Variants in GALNT13 observed in about 807,000 individuals in gnomAD.
GALNT13 encodes polypeptide N-acetylgalactosaminyltransferase 13, also known as UDP-GalNAc:polypeptide N-acetylgalactosaminyltransferase 13.
GALNT13 carries 28 observed loss-of-function variants against 64.2 expected under a neutral mutation model. The observed-to-expected ratio is 0.44, with a 90% CI of 0.32 to 0.60. GALNT13 has a LOEUF of 0.60. Ranked by LOEUF, GALNT13 falls within the 20% of genes least tolerant of loss-of-function variation. The probability of loss-of-function intolerance (pLI) is 0.05; values close to 1 mark genes in which losing one functional copy is unlikely to be tolerated. For synonymous variants in GALNT13, 214 were observed against 224.6 expected (o/e 0.95, Z 0.42); for missense variants, 577 against 669.8 (o/e 0.86, Z 1.53).
the GALNT13 span, among the ~76,000 whole-genome samples, chr2:153,142,033 A>T: frequency 3.3e-5 from 5 of 152,186 alleles, no homozygotes; most frequent in East Asian, 9.7e-4. Context: ...TGAGAGAGAC[A>T]TCATGAAGCG....
the GALNT13 span, among the ~76,000 whole-genome samples, chr2:153,442,554 C>A: frequency 6.6e-6 from 1 of 152,038 alleles, no homozygotes; most frequent in African/African-American, 2.4e-5. Flanking sequence ...TGGTAGAATT[C>A]GGCTGTGAAT....
intron 2 of GALNT13, among the ~76,000 whole-genome samples, chr2:153,905,259 C>A (rs1028001221): frequency 2.0e-5 from 3 of 151,844 alleles, no homozygotes; most frequent in African/African-American, 7.2e-5. Flanking sequence ...TAACTGATTT[C>A]ATTTATGAAC....
At chr2:153,884,783 A>ATATATATATATATATG (rs1687025438) in intron 1 of GALNT13, among the ~76,000 whole-genome samples, 4 of 106,918 alleles carry the variant, frequency 3.7e-5, no homozygotes, top group Non-Finnish European at 7.9e-5. Context: ...ATATATATAT[A>ATATATATATATATATG]TATGTGTGTG....
chr2:153,069,939 A>T, the GALNT13 span, among the ~76,000 whole-genome samples: 1 of 152,116 alleles, frequency 6.6e-6, no homozygotes, highest in Admixed American at 6.6e-5. Context: ...ATTATATTTG[A>T]AAATTCTATC....
chr2:153,199,136 G>T, the GALNT13 span, among the ~76,000 whole-genome samples: 1 of 152,192 alleles, frequency 6.6e-6, no homozygotes, highest in Non-Finnish European at 1.5e-5. Context: ...GGTTTCTTGG[G>T]TCGGCCCTGG....
the GALNT13 span, among the ~76,000 whole-genome samples, chr2:153,497,649 T>C: frequency 6.8e-6 from 1 of 147,786 alleles, no homozygotes. Context: ...GCAATTCTCC[T>C]GCCTCAGCCT....
At chr2:153,510,328 C>T in the GALNT13 span, among the ~76,000 whole-genome samples, 4 of 152,116 alleles carry the variant, frequency 2.6e-5, no homozygotes, top group Admixed American at 6.5e-5. Flanking sequence ...TACAATAACT[C>T]CACATAAGCT....
intron 11 of GALNT13, among the ~76,000 whole-genome samples, chr2:154,414,716 A>G (rs1298447807): frequency 6.6e-6 from 1 of 151,972 alleles, no homozygotes; most frequent in East Asian, 1.9e-4. Context: ...CTTGTCATTT[A>G]TAAGAATACT....
At chr2:153,563,746 T>C in the GALNT13 span, among the ~76,000 whole-genome samples, 1 of 152,096 alleles carries the variant, frequency 6.6e-6, no homozygotes, top group African/African-American at 2.4e-5. Flanking sequence ...CATTTATTCA[T>C]AGAAGTTTTC....
At position 153,944,584 on chromosome 2, in the gene GALNT13, T is replaced by G. The variant is rs1250921053; in HGVS notation, c.87T>G (p.Ser29Arg). ...ATGTCTTCTTACTGCTGTACTTCAGTGAATGTAACAAATGTGATGACAAGA... is the reference window on the plus strand; with the variant it reads ...ATGTCTTCTTACTGCTGTACTTCAGGGAATGTAACAAATGTGATGACAAGA... ...LVDVFLLLYFSECNKCDDKKE... is the reference protein window; with the variant it reads ...LVDVFLLLYFRECNKCDDKKE... Residue 29 changes from serine to arginine, a missense_variant, in exon 3 of 13, where the codon AGT becomes AGG. Transcript: ENST00000392825. The G allele has an allele frequency of 6.2e-7, 1 of 1,613,592 alleles. No individual in the cohort carries two copies. Among genetic ancestry groups the G allele is most frequent in the South Asian group, 1.1e-5 (1 of 91,036 alleles).
At chr2:153,377,526 G>T in the GALNT13 span, among the ~76,000 whole-genome samples, 4 of 152,040 alleles carry the variant, frequency 2.6e-5, no homozygotes, top group Non-Finnish European at 5.9e-5. Flanking sequence ...CTGAACAAGC[G>T]AGTTGTTAAA....
At chr2:153,722,259 C>A in the GALNT13 span, among the ~76,000 whole-genome samples, 36 of 147,200 alleles carry the variant, frequency 2.4e-4, no homozygotes, top group South Asian at 1.8e-3. Flanking sequence ...TTGAAACCAA[C>A]GAGAACAAAG....
chr2:154,409,793 GT>G lies in GALNT13; in HGVS notation c.1395+717del, dbSNP rs200568333. Reference sequence around the variant, plus strand: ...CTACAGAAGTTTAGGAGAACCAAAAGTTTTTTATCCAGAGGTAGAATTTCTG... The same window carrying G: ...CTACAGAAGTTTAGGAGAACCAAAAGTTTTTATCCAGAGGTAGAATTTCTG... On this transcript the variant is annotated intron_variant, in intron 11 of 12. Coordinates refer to ENST00000392825, the MANE Select transcript of GALNT13 (RefSeq NM_052917.4). Among the ~76,000 whole-genome samples the G allele has an allele frequency of 3.0e-3, 449 of 152,054 alleles. 8 individuals carry two copies. In the East Asian group the frequency reaches 0.042, roughly 14 times the overall value.
chr2:153,547,509 C>T, the GALNT13 span, among the ~76,000 whole-genome samples: 1 of 152,056 alleles, frequency 6.6e-6, no homozygotes, highest in Admixed American at 6.6e-5. Flanking sequence ...TTTTCATAAG[C>T]CACAGGTAGA....
intron 2 of GALNT13, 58 bp downstream of exon 2, chr2:153,901,065 A>G (rs1367223196): frequency 6.6e-6 from 1 of 152,168 alleles, no homozygotes. Flanking sequence ...AATTTGGCAG[A>G]CAGTCATGAA....
chr2:153,919,575 T>C (rs370513223), intron 2 of GALNT13, among the ~76,000 whole-genome samples: 61 of 152,062 alleles, frequency 4.0e-4, no homozygotes, highest in South Asian at 2.9e-3. Context: ...TGAGGCAAGG[T>C]GTCTCAAGCA....
At chr2:154,119,767 A>G (rs1336521779) in intron 3 of GALNT13, among the ~76,000 whole-genome samples, 1 of 151,984 alleles carries the variant, frequency 6.6e-6, no homozygotes, top group African/African-American at 2.4e-5. Context: ...TAGGATTCCT[A>G]TCTGATTCTT....
the GALNT13 span, among the ~76,000 whole-genome samples, chr2:153,172,947 A>C: frequency 6.6e-6 from 1 of 152,140 alleles, no homozygotes; most frequent in African/African-American, 2.4e-5. Flanking sequence ...TGAATGTCTA[A>C]GGCAGATTAT....
chr2:154,026,746 A>T (rs1333406621), intron 3 of GALNT13, among the ~76,000 whole-genome samples: 1 of 152,184 alleles, frequency 6.6e-6, no homozygotes, highest in African/African-American at 2.4e-5. Context: ...CTCCAAATAC[A>T]TTCAAAATGT....
Sources: allele counts gnomAD v4.1 joint callset (sites outside exome capture counted in the v4.1 genomes callset), GRCh38; gene constraint gnomAD v4.1.1; transcripts MANE v1.5; gene names NCBI Gene and HGNC (gene_info 2026-07-23, HGNC 2026-07-21).